The following PCM1 variants were observed in gnomAD, a reference collection of about 807,000 sequenced individuals.
PCM1 encodes pericentriolar material 1 protein.
PCM1 carries 157 observed loss-of-function variants against 241.9 expected under a neutral mutation model. The ratio of observed to expected loss-of-function variants is 0.65; its 90% CI spans 0.57 to 0.74. PCM1 has a LOEUF of 0.74. PCM1 is among the 30% of genes least tolerant of loss of function. The pLI, the probability that PCM1 is intolerant of heterozygous loss-of-function variation, is 0.00. For synonymous variants in PCM1, 1,085 were observed against 784.9 expected, an observed-to-expected ratio of 1.38 and a Z score of -6.39; for missense variants, 3,478 against 2,360.1, an observed-to-expected ratio of 1.47 and a Z score of -9.81.
intron 29 of PCM1, among the ~76,000 whole-genome samples, chr8:18,004,416 C>A (rs2129483898): frequency 6.6e-6 from 1 of 152,204 alleles, no homozygotes; most frequent in Non-Finnish European, 1.5e-5. Context: ...CTAGAGTTAC[C>A]TAAATCACAA....
chr8:17,965,974 CTT>C, intron 18 of PCM1, 23 bp from the exon 19 acceptor site: 1 of 1,562,368 alleles, frequency 6.4e-7, no homozygotes, highest in Non-Finnish European at 8.8e-7. Context: ...TGTATGATGA[CTT>C]AATGCTTTCA....
At position 17,982,298 on chromosome 8, in the gene PCM1, G is replaced by C. The variant is rs548651572; in HGVS notation, c.4108+1543G>C. ...GATATCTTCAAAAAATAAACAGTCC[G>C]GTAGAGGTCGAAGAAGGACACTAAA... On this transcript the variant is annotated intron_variant, in intron 24 of 38. Transcript: ENST00000325083. 2.0e-5 allele frequency among the ~76,000 whole-genome samples: 3 copies of C among 152,070 alleles called. No homozygotes were observed. In the South Asian group the frequency reaches 6.2e-4, roughly 32 times the overall value.
intron 36 of PCM1, among the ~76,000 whole-genome samples, chr8:18,020,891 C>G (rs575577548): frequency 6.6e-6 from 1 of 152,268 alleles, no homozygotes; most frequent in Admixed American, 6.5e-5. Context: ...AGTACTGGAC[C>G]TCTGCCAGAT....
Position 17,956,726 on chromosome 8 carries a change from A to T in PCM1, c.1595A>T (p.Glu532Val). 6.2e-7 allele frequency: 1 copy of T among 1,607,894 alleles called. No homozygotes were observed. The highest frequency in any genetic ancestry group is 8.5e-7 in the Non-Finnish European group (1 of 1,176,124). The change falls in exon 11 of 39, where the codon GAG becomes GTG. Residue 532 changes from glutamate to valine, a missense_variant. Transcript: ENST00000325083. The stretch of plus-strand genomic sequence containing the variant: ...AACAGGAAAGATGAAGAAACTGAAG[A>T]GTCAGAATATGATTCTGAGCATGAA... ...NENRKDEETE[E>V]SEYDSEHENS...
rs748022282 is a variant in PCM1, at chr8:17,957,356, C to A, written c.1739C>A (p.Ser580Tyr). 4.3e-6 allele frequency: 7 copies of A among 1,610,362 alleles called. No individual in the cohort carries two copies. Among genetic ancestry groups the A allele is most frequent in the Non-Finnish European group, 8.5e-7 (1 of 1,176,992 alleles). The change falls in exon 12 of 39, where the codon TCT (serine) becomes TAT (tyrosine). Residue 580 changes from serine to tyrosine, a missense_variant. Physicochemically the swap from Ser to Tyr is moderately radical, Grantham distance 144 (BLOSUM62 -2). Transcript: ENST00000325083. Reference sequence around the variant, plus strand: ...AATAGAGATGGGCGAACAGTTAATTCTAATTGTGAAATTAACAACAGATCT... The same window carrying A: ...AATAGAGATGGGCGAACAGTTAATTATAATTGTGAAATTAACAACAGATCT... ...SNNRDGRTVNSNCEINNRSAA... is the reference protein window; with the variant it reads ...SNNRDGRTVNYNCEINNRSAA...
chr8:17,989,237 G>A (rs2083658209), intron 26 of PCM1, among the ~76,000 whole-genome samples: 1 of 151,982 alleles, frequency 6.6e-6, no homozygotes, highest in South Asian at 2.1e-4. Flanking sequence ...ACAACCAGCA[G>A]AACTGATCTA....
At chr8:17,990,678 C>T (rs1195908115) in intron 27 of PCM1, among the ~76,000 whole-genome samples, 1 of 152,048 alleles carries the variant, frequency 6.6e-6, no homozygotes. Flanking sequence ...AGTCATTTGC[C>T]ATCCAGGGTG....
intron 36 of PCM1, among the ~76,000 whole-genome samples, chr8:18,022,747 T>C (rs1425706628): frequency 6.6e-6 from 1 of 152,218 alleles, no homozygotes; most frequent in East Asian, 1.9e-4. Flanking sequence ...TTAGGGAGAC[T>C]GCTCTCCTAT....
At chr8:18,009,886 C>T in intron 31 of PCM1, 142 bp downstream of exon 31, 1 of 490,708 alleles carries the variant, frequency 2.0e-6, no homozygotes, top group South Asian at 6.0e-5. Context: ...TAAGTCATTA[C>T]ATATGCTAGT....
At chr8:17,936,363 C>T (rs973624631) in intron 3 of PCM1, among the ~76,000 whole-genome samples, 1 of 152,042 alleles carries the variant, frequency 6.6e-6, no homozygotes, top group African/African-American at 2.4e-5. Flanking sequence ...AGGAAAATAT[C>T]CCAAGTGGTT....
At chr8:17,949,005 A>G (rs1273797381) in intron 7 of PCM1, among the ~76,000 whole-genome samples, 1 of 152,188 alleles carries the variant, frequency 6.6e-6, no homozygotes, top group East Asian at 1.9e-4. Context: ...TTTTAGCAGA[A>G]TTACATTTCT....
chr8:17,947,532 T>C (rs1002832671), intron 7 of PCM1, among the ~76,000 whole-genome samples, 169 bp downstream of exon 7: 5 of 152,170 alleles, frequency 3.3e-5, no homozygotes, highest in Admixed American at 3.3e-4. Context: ...GCAGAAAAGG[T>C]TGCAGGGACA....
intron 2 of PCM1, chr8:17,927,373 C>T (rs2057396446): frequency 6.6e-6 from 1 of 152,024 alleles, no homozygotes; most frequent in Non-Finnish European, 1.5e-5. Flanking sequence ...CCTCAGCTTC[C>T]CAAAGTGGTG....
intron 20 of PCM1, 105 bp from the exon 21 acceptor site, chr8:17,966,875 G>A (rs1051846015): frequency 2.9e-6 from 3 of 1,020,434 alleles, no homozygotes; most frequent in African/African-American, 1.6e-5. Context: ...AGAGCAGTTT[G>A]TCTGCATGCT....
intron 32 of PCM1, among the ~76,000 whole-genome samples, chr8:18,010,978 A>C (rs1735413772): frequency 6.6e-6 from 1 of 152,200 alleles, no homozygotes; most frequent in Non-Finnish European, 1.5e-5. Context: ...GCCTCAAAAA[A>C]ATAAAAAGCC....
In PCM1 at chr8:17,960,333, T is replaced by A; in HGVS notation, c.2211T>A (p.Ala737=). 1 of 1,593,752 alleles carries A rather than the reference T, an allele frequency of 6.3e-7. No homozygotes were observed. The highest frequency in any genetic ancestry group is 8.5e-7 in the Non-Finnish European group (1 of 1,174,724). The stretch of plus-strand genomic sequence containing the variant: ...ATTGTAGAGAGAAATTTTATGAGGC[T>A]AAACTACAGCAGCAACAGAGAGAGC... ...NEKAREKFYE[A]KLQQQQRELK... is the part of the protein sequence containing the mutation. Residue 737 remains alanine, a synonymous_variant, in exon 15 of 39, where the codon GCT becomes GCA. Transcript: ENST00000325083.
intron 24 of PCM1, among the ~76,000 whole-genome samples, chr8:17,982,188 CA>C (rs2081072433): frequency 6.6e-6 from 1 of 152,066 alleles, no homozygotes; most frequent in Admixed American, 6.5e-5. Context: ...TTCCTTTCTG[CA>C]AAAATATCAA....
chr8:18,016,011 C>G (rs993122070), intron 36 of PCM1, among the ~76,000 whole-genome samples: 1 of 152,212 alleles, frequency 6.6e-6, no homozygotes, highest in African/African-American at 2.4e-5. Context: ...GCCTCAGCCT[C>G]CCGAGTAGCT....
intron 6 of PCM1, among the ~76,000 whole-genome samples, chr8:17,944,182 C>T (rs1448956069): frequency 6.6e-6 from 1 of 152,082 alleles, no homozygotes; most frequent in Non-Finnish European, 1.5e-5. Flanking sequence ...TGTGAGATTG[C>T]CCTGTCTTTT....
Sources: allele counts gnomAD v4.1 joint callset (sites outside exome capture counted in the v4.1 genomes callset), GRCh38; gene constraint gnomAD v4.1.1; transcripts MANE v1.5; gene names NCBI Gene and HGNC (gene_info 2026-07-23, HGNC 2026-07-21).